The following INO80 variants were observed in gnomAD, a reference collection of about 807,000 sequenced individuals.
The protein encoded by INO80 is INO80 complex ATPase subunit.
INO80 carries 20 observed loss-of-function variants against 203.4 expected under a neutral mutation model. The observed-to-expected ratio is 0.10, with a 90% CI of 0.07 to 0.14. INO80 has a LOEUF of 0.14. Among genes scored for constraint, INO80 ranks in the 10% least tolerant of loss-of-function variants. INO80 has a pLI of 1.00. For missense variants in INO80, 1,419 were observed against 1,914.4 expected, an observed-to-expected ratio of 0.74 and a Z score of 4.83; for synonymous variants, 726 against 685.2, an observed-to-expected ratio of 1.06 and a Z score of -0.93.
chr15:41,103,737 A>G (rs1159645374), intron 1 of INO80, among the ~76,000 whole-genome samples: 1 of 152,176 alleles, frequency 6.6e-6, no homozygotes, highest in African/African-American at 2.4e-5. Flanking sequence ...ATAGTTTTCC[A>G]AAACTCAATA....
intron 27 of INO80, among the ~76,000 whole-genome samples, chr15:41,010,710 C>T (rs143138008): frequency 2.6e-4 from 39 of 152,276 alleles, no homozygotes; most frequent in African/African-American, 9.4e-4. Flanking sequence ...TAATTGGACA[C>T]TTGAAAAAAT....
chr15:40,997,859 T>G (rs930293846), intron 28 of INO80: 1 of 379,006 alleles, frequency 2.6e-6, no homozygotes, highest in Non-Finnish European at 5.0e-6. Flanking sequence ...AACACAAGTA[T>G]AAACATGTAG....
chr15:41,050,165 T>G, intron 19 of INO80, 63 bp from the exon 20 acceptor site: 1 of 1,204,958 alleles, frequency 8.3e-7, no homozygotes, highest in Non-Finnish European at 1.2e-6. Flanking sequence ...CAGCATCAGC[T>G]TAAAGTTGAA....
chr15:41,106,558 C>T (rs1444809049), intron 1 of INO80, among the ~76,000 whole-genome samples: 1 of 150,416 alleles, frequency 6.6e-6, no homozygotes, highest in African/African-American at 2.5e-5. Flanking sequence ...TAGCTTGAGT[C>T]TGGAAGGTCA....
rs549104789 is a variant in INO80, at chr15:41,115,957, C to G, written c.-44+16G>C. On this transcript the variant is annotated intron_variant, in intron 1 of 35. Coordinates refer to ENST00000648947, the MANE Select transcript of INO80 (RefSeq NM_017553.3). ...AACCCCCACTCCGTTCGCCCGCCCA[C>G]GTCTAGTTGCCTCACCTCGGGCCGC... 2.6e-6 allele frequency: 1 copy of G among 382,760 alleles called. No individual in the cohort carries two copies. The highest frequency in any genetic ancestry group is 2.1e-5 in the African/African-American group (1 of 47,908). The allele number at this position is 382,760 out of a possible 1,614,324, so 23.7% of individuals were successfully genotyped here.
At chr15:41,037,774 C>T (rs958156223) in intron 24 of INO80, among the ~76,000 whole-genome samples, 3 of 151,830 alleles carry the variant, frequency 2.0e-5, no homozygotes, top group Admixed American at 1.3e-4. Flanking sequence ...GAAACCCCAC[C>T]TCTACTAAAA....
chr15:41,054,318 A>G (rs889488398), intron 18 of INO80, among the ~76,000 whole-genome samples: 6 of 152,192 alleles, frequency 3.9e-5, no homozygotes, highest in African/African-American at 1.4e-4. Flanking sequence ...TGAGACTCTC[A>G]GTGTTCCCCA....
At chr15:41,007,824 C>G (rs950095756) in intron 27 of INO80, among the ~76,000 whole-genome samples, 3 of 149,480 alleles carry the variant, frequency 2.0e-5, no homozygotes, top group Non-Finnish European at 4.4e-5. Flanking sequence ...CTGAATAGAG[C>G]GACATCTACA....
chr15:41,023,180 T>C, intron 25 of INO80: 1 of 405,292 alleles, frequency 2.5e-6, no homozygotes, highest in South Asian at 1.7e-5. Flanking sequence ...CACTAATACA[T>C]GAGCATGGGC....
At chr15:41,062,174 A>G (rs937657924) in intron 14 of INO80, among the ~76,000 whole-genome samples, 3 of 152,234 alleles carry the variant, frequency 2.0e-5, no homozygotes, top group Non-Finnish European at 2.9e-5. Context: ...CCTACAGCAT[A>G]TAAGTCGAGA....
chr15:41,101,512 G>A (rs563669498), intron 1 of INO80, among the ~76,000 whole-genome samples: 26 of 151,248 alleles, frequency 1.7e-4, no homozygotes, highest in Non-Finnish European at 3.1e-4. Flanking sequence ...TACTTGCTGT[G>A]ATATTTGAGT....
At chr15:40,987,772 C>CT (rs1259651856) in intron 30 of INO80, 44 bp downstream of exon 30, 2 of 1,576,020 alleles carry the variant, frequency 1.3e-6, no homozygotes, top group Non-Finnish European at 1.7e-6. Flanking sequence ...GTTGGACTTT[C>CT]TGTTTGCTCC....
In INO80 at chr15:41,059,904, G is replaced by A; in HGVS notation, c.1805C>T (p.Pro602Leu). The A allele has an allele frequency of 1.2e-6, 2 of 1,611,186 alleles. No individual in the cohort carries two copies. Among genetic ancestry groups the A allele is most frequent in the South Asian group, 1.1e-5 (1 of 90,718 alleles). Residue 602 changes from proline (P) to leucine (L), a missense_variant, in exon 15 of 36, where the codon CCT (proline) becomes CTT (leucine). Around this residue, in one of 9 missense-constraint regions of INO80, gnomAD observed 192 missense variants for 406.7 expected, o/e 0.47. Transcript: ENST00000648947. ...CCTTCTGATGACTTTTCTATCATGA[G>A]GATTTCCCCAATATGGTAGCACCTA... ...KFKVLPYWGNPHDRKVIRRFW... is the reference protein window; with the variant it reads ...KFKVLPYWGNLHDRKVIRRFW...
chr15:41,064,672 T>A (rs2045177341), intron 14 of INO80, among the ~76,000 whole-genome samples: 3 of 152,178 alleles, frequency 2.0e-5, no homozygotes, highest in Admixed American at 2.0e-4. Context: ...TGAAAATCAA[T>A]ACTCTAAGCT....
intron 26 of INO80, chr15:41,018,570 A>G (rs1216561399): frequency 1.3e-5 from 2 of 152,268 alleles, no homozygotes; most frequent in Non-Finnish European, 2.9e-5. Context: ...CTAAGAAGAA[A>G]CACTTCAGCA....
At chr15:41,038,355 A>G (rs1013884186) in intron 24 of INO80, among the ~76,000 whole-genome samples, 9 of 152,042 alleles carry the variant, frequency 5.9e-5, no homozygotes, top group African/African-American at 1.9e-4. Context: ...TTCTCTTAAA[A>G]AAGTCAACTT....
chr15:41,081,005 A>C lies in INO80; in HGVS notation c.927+15T>G, dbSNP rs767460873. The C allele has an allele frequency of 4.5e-6, 7 of 1,563,598 alleles. No individual in the cohort carries two copies. The highest frequency in any genetic ancestry group is 4.5e-5 in the South Asian group (4 of 89,382). On this transcript the variant is annotated intron_variant, in intron 8 of 35. Coordinates refer to ENST00000648947, the MANE Select transcript of INO80 (RefSeq NM_017553.3). Reference sequence around the variant, plus strand: ...AGCAAAACATGAAATGGAAAATACAAAACTACAATTTTACCTTTCGGCTAT... The same window carrying C: ...AGCAAAACATGAAATGGAAAATACACAACTACAATTTTACCTTTCGGCTAT...
chr15:40,998,302 C>T (rs1566904481), intron 28 of INO80, among the ~76,000 whole-genome samples: 3 of 151,782 alleles, frequency 2.0e-5, no homozygotes, highest in Non-Finnish European at 2.9e-5. Context: ...ATTATAGACG[C>T]GAGCCACCGT....
chr15:41,088,317 T>C (rs2045590468), intron 5 of INO80, among the ~76,000 whole-genome samples: 2 of 152,026 alleles, frequency 1.3e-5, no homozygotes, highest in Admixed American at 1.3e-4. Flanking sequence ...CTTGATCTCC[T>C]GACCTCGTGG....
Sources: gnomAD v4.1 joint callset for allele counts (sites outside exome capture counted in the v4.1 genomes callset) on GRCh38, gnomAD v4.1.1 for gene constraint, gnomAD v4.1.1 regional missense constraint, MANE v1.5 for transcripts, NCBI Gene and HGNC (gene_info 2026-07-23, HGNC 2026-07-21) for gene names.